Variants in CNTNAP4 observed in about 807,000 individuals in gnomAD.
CNTNAP4 encodes contactin associated protein family member 4.
In CNTNAP4, 98 loss-of-function variants were observed where a neutral mutation model predicts 148.4. That is an observed-to-expected ratio of 0.66 (90% CI 0.56 to 0.78). The LOEUF is 0.78. CNTNAP4 is among the 30% of genes least tolerant of loss of function. The pLI is 0.00. For missense variants in CNTNAP4, 1,935 were observed against 1,565.6 expected (o/e 1.24, Z -3.98); for synonymous variants, 730 against 565.1 (o/e 1.29, Z -4.14).
chr16:76,408,981 C>T (rs185810659), intron 3 of CNTNAP4, among the ~76,000 whole-genome samples: 84 of 152,014 alleles, frequency 5.5e-4, no homozygotes, highest in African/African-American at 1.4e-3. Context: ...TTCAAACCTG[C>T]GGGAACAAAG....
intron 3 of CNTNAP4, among the ~76,000 whole-genome samples, chr16:76,403,545 A>T (rs1318846488): frequency 6.6e-6 from 1 of 152,198 alleles, no homozygotes; most frequent in Non-Finnish European, 1.5e-5. Flanking sequence ...GTTAAAAAGT[A>T]ACAGATGATG....
At chr16:76,331,562 A>G (rs1370703392) in intron 2 of CNTNAP4, among the ~76,000 whole-genome samples, 1 of 151,826 alleles carries the variant, frequency 6.6e-6, no homozygotes, top group Non-Finnish European at 1.5e-5. Flanking sequence ...CAAATTTGTA[A>G]TGATCTATTT....
In CNTNAP4 at chr16:76,473,288, T is replaced by G. The variant is rs369020692; in HGVS notation, c.1656-2651T>G. On this transcript the variant is annotated intron_variant, in intron 10 of 23. Transcript: ENST00000611870. ...ATTTCTTTATGATTATATTTATGGA[T>G]ATACACACATATCTATATGTTTGTA... Among the ~76,000 whole-genome samples, 141 of 152,306 alleles carry G rather than the reference T, an allele frequency of 9.3e-4. 1 individual carries two copies. Among genetic ancestry groups the G allele is most frequent in the African/African-American group, 3.3e-3 (136 of 41,564 alleles).
chr16:76,470,046 A>G (rs764736379), intron 10 of CNTNAP4, among the ~76,000 whole-genome samples: 2 of 152,206 alleles, frequency 1.3e-5, no homozygotes, highest in Non-Finnish European at 2.9e-5. Context: ...CTTAAGATGA[A>G]TGAGCATTTA....
At chr16:76,531,586 C>G (rs547298410) in intron 17 of CNTNAP4, among the ~76,000 whole-genome samples, 76 of 152,222 alleles carry the variant, frequency 5.0e-4, no homozygotes, top group Admixed American at 7.9e-4. Flanking sequence ...CAGTTCCAAA[C>G]GTAATAGCTC....
Position 76,403,170 on chromosome 16 carries a change from G to A in CNTNAP4, c.391-24282G>A, listed in dbSNP as rs562792673. Among the ~76,000 whole-genome samples the A allele has an allele frequency of 5.4e-3, 813 of 151,198 alleles. 11 individuals carry two copies. Among genetic ancestry groups the A allele is most frequent in the African/African-American group, 0.019 (789 of 41,148 alleles). On this transcript the variant is annotated intron_variant, in intron 3 of 23. Coordinates refer to ENST00000611870, the MANE Select transcript of CNTNAP4 (RefSeq NM_033401.5). ...TGCAGTGGCGCGATCTCGACTCACT[G>A]CAAGCTCCACCTTCCAGGTTCACAC...
intron 3 of CNTNAP4, among the ~76,000 whole-genome samples, chr16:76,377,728 AT>A (rs927504177): frequency 6.6e-5 from 10 of 152,102 alleles, no homozygotes; most frequent in Non-Finnish European, 1.3e-4. Context: ...TCTCTCCCTC[AT>A]TTTTTTCTTT....
chr16:76,299,192 A>T (rs1959661789), intron 1 of CNTNAP4, among the ~76,000 whole-genome samples: 1 of 152,320 alleles, frequency 6.6e-6, no homozygotes, highest in African/African-American at 2.4e-5. Flanking sequence ...AAAAGAAACT[A>T]CCATCAGAGT....
At chr16:76,399,162 T>A (rs894347988) in intron 3 of CNTNAP4, among the ~76,000 whole-genome samples, 1 of 152,214 alleles carries the variant, frequency 6.6e-6, no homozygotes, top group Non-Finnish European at 1.5e-5. Flanking sequence ...CTTAAACTGC[T>A]TTCCTTTATA....
Position 76,521,308 on chromosome 16 carries a change from G to A in CNTNAP4, c.2534G>A (p.Arg845His), listed in dbSNP as rs199508626. The A allele has an allele frequency of 5.7e-4, 911 of 1,597,186 alleles. 2 individuals are homozygous for A. The highest frequency in any genetic ancestry group is 1.6e-3 in the East Asian group (73 of 44,660). The change falls in exon 16 of 24, where the codon CGC (arginine) becomes CAC (histidine). Residue 845 changes from arginine to histidine, a missense_variant and splice_region_variant. Physicochemically the swap from Arg to His is conservative, Grantham distance 29. Transcript: ENST00000611870. ...GIADFIRIEL[R>H]SPTVVTFSFD... ...GCTGATTTTATACGGATAGAGCTTC[G>A]CTGTAAGTCTCCTTTTCCAGAGAAG...
At chr16:76,496,296 T>TA (rs1199352163) in intron 14 of CNTNAP4, among the ~76,000 whole-genome samples, 1 of 152,100 alleles carries the variant, frequency 6.6e-6, no homozygotes, top group Non-Finnish European at 1.5e-5. Flanking sequence ...CATAAAATGC[T>TA]AGTAGTAATG....
chr16:76,404,072 G>A (rs2078513582), intron 3 of CNTNAP4, among the ~76,000 whole-genome samples: 1 of 151,998 alleles, frequency 6.6e-6, no homozygotes, highest in South Asian at 2.1e-4. Context: ...ATGGAGACGA[G>A]CAGAAAAATT....
In CNTNAP4 at chr16:76,548,594, T is replaced by C. The variant is rs531424871; in HGVS notation, c.3443-4689T>C. 3.3e-5 allele frequency among the ~76,000 whole-genome samples: 5 copies of C among 152,198 alleles called. No homozygotes were observed. In the South Asian group the frequency reaches 1.0e-3, roughly 32 times the overall value. On this transcript the variant is annotated intron_variant, in intron 21 of 23. Coordinates refer to ENST00000611870, the MANE Select transcript of CNTNAP4 (RefSeq NM_033401.5). ...GCAGGCCTTTTGTTAAAAGGTTTCT[T>C]CTTTCGACAAGCAGAAGTCACTCCC...
At chr16:76,360,629 A>C (rs1365133145) in intron 3 of CNTNAP4, among the ~76,000 whole-genome samples, 2 of 152,346 alleles carry the variant, frequency 1.3e-5, no homozygotes, top group East Asian at 3.9e-4. Context: ...GTACTTGGCA[A>C]ATGCCTAGAG....
chr16:76,520,809 T>C (rs910468929), intron 15 of CNTNAP4, among the ~76,000 whole-genome samples: 1 of 152,202 alleles, frequency 6.6e-6, no homozygotes, highest in African/African-American at 2.4e-5. Context: ...TATCAATGTT[T>C]GGCAGATCGT....
At chr16:76,317,303 C>G (rs373405130) in intron 2 of CNTNAP4, among the ~76,000 whole-genome samples, 2 of 114,376 alleles carry the variant, frequency 1.7e-5, no homozygotes, top group Admixed American at 1.9e-4. Flanking sequence ...CCAAAAAACC[C>G]CCCAAAAAAA....
intron 2 of CNTNAP4, among the ~76,000 whole-genome samples, chr16:76,331,780 A>G (rs1220923558): frequency 6.6e-6 from 1 of 152,190 alleles, no homozygotes; most frequent in Non-Finnish European, 1.5e-5. Flanking sequence ...AATAAAATAA[A>G]ACTTTCTTTT....
chr16:76,397,168 TCG>T (rs2078231287), intron 3 of CNTNAP4, among the ~76,000 whole-genome samples: 1 of 151,850 alleles, frequency 6.6e-6, no homozygotes, highest in Non-Finnish European at 1.5e-5. Context: ...AGGCTTTATG[TCG>T]TAGGTGATAC....
At chr16:76,396,841 A>G (rs1196303022) in intron 3 of CNTNAP4, among the ~76,000 whole-genome samples, 1 of 152,230 alleles carries the variant, frequency 6.6e-6, no homozygotes, top group Non-Finnish European at 1.5e-5. Flanking sequence ...CATCTCTCAG[A>G]AGTCTGGTAG....
Sources: gnomAD v4.1 joint callset for allele counts (sites outside exome capture counted in the v4.1 genomes callset) on GRCh38, gnomAD v4.1.1 for gene constraint, MANE v1.5 for transcripts, NCBI Gene and HGNC (gene_info 2026-07-23, HGNC 2026-07-21) for gene names.